BCAS3: variants seen among roughly 807,000 people sequenced by gnomAD.
BCAS3 encodes the protein BCAS3 microtubule associated cell migration factor.
BCAS3 carries 53 observed loss-of-function variants against 116.1 expected under a neutral mutation model. The observed-to-expected ratio is 0.46, with a 90% confidence interval of 0.37 to 0.57. BCAS3 has a LOEUF of 0.57. BCAS3 is among the 20% of genes least tolerant of loss of function. The pLI is 0.00. For synonymous variants in BCAS3, 391 were observed against 408.2 expected, an observed-to-expected ratio of 0.96 and a Z score of 0.51; for missense variants, 917 against 1,165.4, an observed-to-expected ratio of 0.79 and a Z score of 3.10.
rs568090019 is a variant in BCAS3, at chr17:61,356,020, A to C, written c.2426-12307A>C. ...TTTTCTTTTCTCTTTTTTGAGACTG[A>C]GTCTTACTCTGTGGCCCAGGCTGGA... On this transcript the variant is annotated intron_variant, in intron 22 of 23. Transcript: ENST00000407086. The surrounding 1 kb of genome is among the most constrained non-coding windows in gnomAD (Gnocchi z 5.4). Among the ~76,000 whole-genome samples, 1 of 152,264 alleles carries C rather than the reference A, an allele frequency of 6.6e-6. No individual in the cohort carries two copies. The highest frequency in any genetic ancestry group is 1.5e-5 in the Non-Finnish European group (1 of 68,018).
At chr17:60,874,280 C>T (rs1336874975) in intron 8 of BCAS3, among the ~76,000 whole-genome samples, 1 of 150,322 alleles carries the variant, frequency 6.7e-6, no homozygotes, top group Non-Finnish European at 1.5e-5. Context: ...CTTTGTTGCC[C>T]AGGCTGGTCT....
chr17:61,149,645 G>A (rs1481683471), intron 22 of BCAS3, among the ~76,000 whole-genome samples: 7 of 152,168 alleles, frequency 4.6e-5, no homozygotes, highest in African/African-American at 1.7e-4. Flanking sequence ...GCAAATGTAG[G>A]ATTTGTGGAA....
intron 22 of BCAS3, among the ~76,000 whole-genome samples, chr17:61,201,268 C>G (rs1249947653): frequency 6.6e-6 from 1 of 152,222 alleles, no homozygotes; most frequent in African/African-American, 2.4e-5. Flanking sequence ...ATGGAAATCA[C>G]CCACTTGCCT....
chr17:60,715,008 T>C (rs773344093), intron 5 of BCAS3, among the ~76,000 whole-genome samples: 1 of 152,172 alleles, frequency 6.6e-6, no homozygotes, highest in South Asian at 2.1e-4. Context: ...GAGGTAAATA[T>C]AGGCTTTCTT....
rs1473947420 is a variant in BCAS3 at position 61,126,791 on chromosome 17, T to C, written c.2425+42227T>C. ...ACCTTTAACATGAACTGTGTCTAATTTTGGTCTCTCTTAACTCTTTCACGA... is the reference window on the plus strand; with the variant it reads ...ACCTTTAACATGAACTGTGTCTAATCTTGGTCTCTCTTAACTCTTTCACGA... On this transcript the variant is annotated intron_variant, in intron 22 of 23. Transcript: ENST00000407086. This position sits in a 1 kb window ranked among gnomAD's most constrained non-coding sequence, Gnocchi z 4.6. 6.6e-6 allele frequency among the ~76,000 whole-genome samples: 1 copy of C among 152,192 alleles called. No individual in the cohort carries two copies. The highest frequency in any genetic ancestry group is 1.5e-5 in the Non-Finnish European group (1 of 68,020).
intron 7 of BCAS3, among the ~76,000 whole-genome samples, chr17:60,827,475 G>T (rs1242672088): frequency 6.6e-6 from 1 of 152,120 alleles, no homozygotes; most frequent in Non-Finnish European, 1.5e-5. Flanking sequence ...TGCATCTAGA[G>T]GTCTTTACTT....
At chr17:61,049,466 C>A (rs2068638354) in intron 19 of BCAS3, among the ~76,000 whole-genome samples, 2 of 151,718 alleles carry the variant, frequency 1.3e-5, no homozygotes, top group South Asian at 2.1e-4. Flanking sequence ...AACAGAATTT[C>A]TGAAGAAGGG....
chr17:60,972,977 C>A (rs1422924347), intron 14 of BCAS3, among the ~76,000 whole-genome samples: 1 of 152,116 alleles, frequency 6.6e-6, no homozygotes, highest in Non-Finnish European at 1.5e-5. Context: ...CCGAGCATTG[C>A]TCTTGGGTTT....
In BCAS3 at chr17:61,141,065, G is replaced by A. The variant is rs117167673; in HGVS notation, c.2425+56501G>A. Among the ~76,000 whole-genome samples the A allele has an allele frequency of 7.4e-4, 113 of 152,028 alleles. 1 individual carries two copies. The East Asian group carries it at 0.02, about 26-fold the overall frequency. On this transcript the variant is annotated intron_variant, in intron 22 of 23. Coordinates refer to ENST00000407086, the MANE Select transcript of BCAS3 (RefSeq NM_017679.5). This position sits in a 1 kb window ranked among gnomAD's most constrained non-coding sequence, Gnocchi z 4.3. ...CTTTATCCTGATTCACCTGTACAGC[G>A]GGACTAGGCTGGTTCATTTCAACAC...
At chr17:61,010,805 A>G (rs2065060560) in intron 15 of BCAS3, among the ~76,000 whole-genome samples, 1 of 151,990 alleles carries the variant, frequency 6.6e-6, no homozygotes, top group South Asian at 2.1e-4. Flanking sequence ...GGGACTGGTA[A>G]ACCTCTAAAG....
intron 10 of BCAS3, among the ~76,000 whole-genome samples, chr17:60,893,178 C>T (rs2057291876): frequency 6.6e-6 from 1 of 151,902 alleles, no homozygotes; most frequent in South Asian, 2.1e-4. Context: ...AATATTTTCT[C>T]CCATTGTGTA....
At position 61,391,763 on chromosome 17, in the gene BCAS3, G is replaced by C; in HGVS notation, c.2594-214G>C. 1 of 592,314 alleles carries C rather than the reference G, an allele frequency of 1.7e-6. No homozygotes were observed. The highest frequency in any genetic ancestry group is 1.9e-5 in the African/African-American group (1 of 53,502). The allele number at this position is 592,314 out of a possible 1,614,324, so 36.7% of individuals were successfully genotyped here. ...GCAGGGAGACGGTGCTCTCACACCAGAGTCTGCCAGCCAGGGGGCTTTCCC... is the reference window on the plus strand; with the variant it reads ...GCAGGGAGACGGTGCTCTCACACCACAGTCTGCCAGCCAGGGGGCTTTCCC... On this transcript the variant is annotated intron_variant, in intron 23 of 23. Transcript: ENST00000407086. The surrounding 1 kb of genome is among the most constrained non-coding windows in gnomAD (Gnocchi z 7.7).
chr17:60,854,557 AAGAAGACATTT>A (rs1172056368), intron 7 of BCAS3, among the ~76,000 whole-genome samples: 2 of 152,202 alleles, frequency 1.3e-5, no homozygotes, highest in Admixed American at 1.3e-4. Context: ...CACTTCTCAA[AAGAAGACATTT>A]ATGCAGCCAA....
chr17:60,830,883 T>G (rs2050858570), intron 7 of BCAS3, among the ~76,000 whole-genome samples: 1 of 151,888 alleles, frequency 6.6e-6, no homozygotes, highest in African/African-American at 2.4e-5. Flanking sequence ...CATCCTTTTG[T>G]TTTTTTAAGA....
rs902250999 is a variant in BCAS3, at chr17:60,962,457, A to G, written c.1221+15105A>G. 9.2e-5 allele frequency among the ~76,000 whole-genome samples: 14 copies of G among 151,876 alleles called. No individual in the cohort carries two copies. Among genetic ancestry groups the G allele is most frequent in the African/African-American group, 3.1e-4 (13 of 41,318 alleles). ...AGTGATGTTGAGCATTTTTTTTCATATACCTATTGGCCATTTGCATGTCTT... is the reference window on the plus strand; with the variant it reads ...AGTGATGTTGAGCATTTTTTTTCATGTACCTATTGGCCATTTGCATGTCTT... On this transcript the variant is annotated intron_variant, in intron 14 of 23. Transcript: ENST00000407086. This position sits in a 1 kb window ranked among gnomAD's most constrained non-coding sequence, Gnocchi z 4.4.
rs1220971767 is a variant in BCAS3, at chr17:61,379,150, T to C, written c.2593+10656T>C. 1 of 152,262 alleles carries C rather than the reference T, an allele frequency of 6.6e-6. No individual in the cohort carries two copies. Among genetic ancestry groups the C allele is most frequent in the Non-Finnish European group, 1.5e-5 (1 of 68,096 alleles). The allele number at this position is 152,262 out of a possible 1,614,324, so 9.4% of individuals were successfully genotyped here. On this transcript the variant is annotated intron_variant, in intron 23 of 23. Transcript: ENST00000407086. This position sits in a 1 kb window ranked among gnomAD's most constrained non-coding sequence, Gnocchi z 5.5. ...GGAAGCATCAACATAGGTAAATGGT[T>C]AACAAAAGGGAGGATTTCTCCCTGT...
intron 22 of BCAS3, among the ~76,000 whole-genome samples, chr17:61,100,629 G>A (rs1355483583): frequency 1.3e-5 from 2 of 152,116 alleles, no homozygotes; most frequent in East Asian, 1.9e-4. Context: ...TCCCTGAATG[G>A]TTTTGACACA....
At chr17:60,979,161 T>C (rs1484914225) in intron 14 of BCAS3, among the ~76,000 whole-genome samples, 1 of 151,466 alleles carries the variant, frequency 6.6e-6, no homozygotes, top group East Asian at 2.0e-4. Context: ...CATTTGTTTG[T>C]ATCCTCTTTT....
chr17:60,998,847 G>A (rs1600339837), intron 15 of BCAS3, among the ~76,000 whole-genome samples: 1 of 151,878 alleles, frequency 6.6e-6, no homozygotes, highest in African/African-American at 2.4e-5. Context: ...AATTTTTTTT[G>A]TTGCATTTGC....
Sources: gnomAD v4.1 joint callset for allele counts (sites outside exome capture counted in the v4.1 genomes callset) on GRCh38, gnomAD v4.1.1 for gene constraint, Gnocchi (gnomAD v3.1) non-coding constraint, MANE v1.5 for transcripts, NCBI Gene and HGNC (gene_info 2026-07-23, HGNC 2026-07-21) for gene names.